MRTFB: variants seen among roughly 807,000 people sequenced by gnomAD.
The protein encoded by MRTFB is myocardin-related transcription factor B.
MRTFB carries 29 observed loss-of-function variants against 104.2 expected under a neutral mutation model. That is an observed-to-expected ratio of 0.28 (90% CI 0.21 to 0.38). The LOEUF (loss-of-function observed/expected upper bound fraction) is 0.38, where lower values mean the gene tolerates loss of function less well. Ranked by LOEUF, MRTFB falls within the 10% of genes least tolerant of loss-of-function variation. MRTFB has a pLI of 1.00. For synonymous variants in MRTFB, 535 were observed against 519.5 expected, an observed-to-expected ratio of 1.03 and a Z score of -0.41; for missense variants, 1,270 against 1,341.6, an observed-to-expected ratio of 0.95 and a Z score of 0.83.
intron 2 of MRTFB, among the ~76,000 whole-genome samples, chr16:14,122,310 G>T (rs1409491150): frequency 2.0e-5 from 3 of 149,956 alleles, no homozygotes; most frequent in Non-Finnish European, 1.5e-5. Context: ...TATACTTTAA[G>T]TTCTGGGGTA....
the MRTFB span, among the ~76,000 whole-genome samples, chr16:14,039,819 G>A: frequency 6.8e-6 from 1 of 147,070 alleles, no homozygotes; most frequent in Non-Finnish European, 1.5e-5. Context: ...CGCAATCTCG[G>A]CTCACTGCAA....
chr16:14,166,009 A>G (rs2039223691), intron 3 of MRTFB, among the ~76,000 whole-genome samples: 1 of 152,234 alleles, frequency 6.6e-6, no homozygotes, highest in African/African-American at 2.4e-5. Context: ...AGTTGAAAGT[A>G]AGAAGTAGGA....
Position 14,168,363 on chromosome 16 carries a change from C to T in MRTFB, c.154+27603C>T, listed in dbSNP as rs148801458. On this transcript the variant is annotated intron_variant, in intron 3 of 16. Coordinates refer to ENST00000571589, the MANE Select transcript of MRTFB (RefSeq NM_001308142.2). ...CCAAGATACAGAGCATTGCTATCAC[C>T]GCAGAAAGTTTCTTTCTGCTCTTTC... Among the ~76,000 whole-genome samples the T allele has an allele frequency of 6.0e-3, 908 of 152,242 alleles. 9 individuals are homozygous for T. Among genetic ancestry groups the T allele is most frequent in the African/African-American group, 0.019 (793 of 41,534 alleles).
At chr16:14,039,612 C>T in the MRTFB span, among the ~76,000 whole-genome samples, 1 of 151,664 alleles carries the variant, frequency 6.6e-6, no homozygotes, top group Non-Finnish European at 1.5e-5. Context: ...TATGTATATG[C>T]ATAATTTGGA....
intron 3 of MRTFB, among the ~76,000 whole-genome samples, chr16:14,196,259 T>C (rs1347770368): frequency 1.3e-5 from 2 of 152,248 alleles, no homozygotes; most frequent in South Asian, 2.1e-4. Flanking sequence ...TGTTGAAACA[T>C]TGTCTTCCTG....
intron 2 of MRTFB, among the ~76,000 whole-genome samples, chr16:14,106,832 A>G (rs2036005269): frequency 1.3e-5 from 2 of 152,208 alleles, no homozygotes; most frequent in Admixed American, 6.5e-5. Flanking sequence ...CATCGCTCCT[A>G]TCCCTAGGCA....
At chr16:14,078,532 C>A (rs1202420675) in intron 1 of MRTFB, among the ~76,000 whole-genome samples, 2 of 151,762 alleles carry the variant, frequency 1.3e-5, no homozygotes, top group African/African-American at 4.8e-5. Flanking sequence ...TAGGCTCAAT[C>A]AATCATCCTA....
At chr16:14,037,653 G>T in the MRTFB span, among the ~76,000 whole-genome samples, 1 of 152,206 alleles carries the variant, frequency 6.6e-6, no homozygotes, top group African/African-American at 2.4e-5. Flanking sequence ...TGGACTGGCT[G>T]CTTTTCCATC....
chr16:14,080,866 G>A (rs148552722), intron 2 of MRTFB, among the ~76,000 whole-genome samples: 26 of 152,156 alleles, frequency 1.7e-4, no homozygotes, highest in Non-Finnish European at 3.4e-4. Context: ...ATAGTACTCC[G>A]TTGTGTATAT....
At chr16:14,157,834 T>C (rs923130858) in intron 3 of MRTFB, among the ~76,000 whole-genome samples, 3 of 152,230 alleles carry the variant, frequency 2.0e-5, no homozygotes, top group Non-Finnish European at 2.9e-5. Flanking sequence ...AAAGACTGTG[T>C]TTTTGAAAAT....
intron 2 of MRTFB, among the ~76,000 whole-genome samples, chr16:14,114,757 T>C (rs2036451386): frequency 6.6e-6 from 1 of 152,228 alleles, no homozygotes; most frequent in Non-Finnish European, 1.5e-5. Context: ...TTCTAGTGCA[T>C]TGGGTCCCCG....
At chr16:14,022,718 A>T in the MRTFB span, among the ~76,000 whole-genome samples, 1 of 150,360 alleles carries the variant, frequency 6.7e-6, no homozygotes, top group Non-Finnish European at 1.5e-5. Context: ...AGTTCAGCAC[A>T]TACATAGAAG....
intron 2 of MRTFB, among the ~76,000 whole-genome samples, chr16:14,095,106 G>C (rs2035289572): frequency 6.6e-6 from 1 of 152,292 alleles, no homozygotes; most frequent in South Asian, 2.1e-4. Context: ...GATAGCAAAG[G>C]CTACCTGAAA....
chr16:14,234,987 C>T (rs901317304), intron 9 of MRTFB, among the ~76,000 whole-genome samples: 2 of 152,048 alleles, frequency 1.3e-5, no homozygotes, highest in Non-Finnish European at 1.5e-5. Context: ...ACTTTTAAAA[C>T]TAAAAAAGGA....
intron 3 of MRTFB, chr16:14,200,278 T>C: frequency 2.6e-6 from 4 of 1,554,064 alleles, no homozygotes; most frequent in Non-Finnish European, 3.5e-6. Context: ...AAGAAAGAGC[T>C]AGATTCTGAG....
At chr16:14,158,550 A>G (rs1031566500) in intron 3 of MRTFB, among the ~76,000 whole-genome samples, 3 of 152,240 alleles carry the variant, frequency 2.0e-5, no homozygotes, top group Admixed American at 2.0e-4. Flanking sequence ...AAATAGTGCT[A>G]TTACAATAGA....
At chr16:14,049,429 C>T in the MRTFB span, among the ~76,000 whole-genome samples, 13 of 152,204 alleles carry the variant, frequency 8.5e-5, no homozygotes, top group Non-Finnish European at 7.3e-5. Flanking sequence ...GTCTGAGGCT[C>T]TGAGCCTGAA....
chr16:14,170,953 T>C (rs2039401653), intron 3 of MRTFB, among the ~76,000 whole-genome samples: 1 of 152,220 alleles, frequency 6.6e-6, no homozygotes, highest in Non-Finnish European at 1.5e-5. Flanking sequence ...TTCCTCCTTT[T>C]ATTAACTTAT....
intron 2 of MRTFB, among the ~76,000 whole-genome samples, chr16:14,121,982 T>C (rs756123519): frequency 6.6e-6 from 1 of 152,224 alleles, no homozygotes; most frequent in Non-Finnish European, 1.5e-5. Flanking sequence ...GTACATTCTC[T>C]GTCACTCTCT....
Sources: allele counts gnomAD v4.1 joint callset (sites outside exome capture counted in the v4.1 genomes callset), GRCh38; gene constraint gnomAD v4.1.1; transcripts MANE v1.5; gene names NCBI Gene and HGNC (gene_info 2026-07-23, HGNC 2026-07-21).